The following NAV3 variants were observed in gnomAD, a reference collection of about 807,000 sequenced individuals.
The protein encoded by NAV3 is neuron navigator 3, also known as pore membrane and/or filament interacting like protein 1.
Under a neutral mutation model 244.7 loss-of-function variants are expected in NAV3, and 87 were observed. The ratio of observed to expected loss-of-function variants is 0.36; its 90% CI spans 0.30 to 0.42. The LOEUF is 0.42. Among genes scored for constraint, NAV3 ranks in the 20% least tolerant of loss-of-function variants. The pLI is 1.00. For synonymous variants in NAV3, 1,126 were observed against 1,042.2 expected, an observed-to-expected ratio of 1.08 and a Z score of -1.55; for missense variants, 2,663 against 2,893.3, an observed-to-expected ratio of 0.92 and a Z score of 1.83.
In NAV3 at chr12:77,969,171, C is replaced by T. The variant is rs866011734; in HGVS notation, c.671+469C>T. Among the ~76,000 whole-genome samples, 5 of 139,006 alleles carry T rather than the reference C, an allele frequency of 3.6e-5. No homozygotes were observed. The South Asian group carries it at 6.9e-4, about 19-fold the overall frequency. The allele number at this position is 139,006 out of a possible 152,430, so 91.2% of individuals were successfully genotyped here. On this transcript the variant is annotated intron_variant, in intron 5 of 39. Coordinates refer to ENST00000397909, the MANE Select transcript of NAV3 (RefSeq NM_001024383.2). Reference sequence around the variant, plus strand: ...GTGTGTGTGTGTGTGTGTGTGTGTGCATGAGTGTGTGTGTGTATGTGTGTA... The same window carrying T: ...GTGTGTGTGTGTGTGTGTGTGTGTGTATGAGTGTGTGTGTGTATGTGTGTA...
At chr12:77,582,059 G>A (rs1565723876) in intron 2 of NAV3, among the ~76,000 whole-genome samples, 2 of 152,076 alleles carry the variant, frequency 1.3e-5, no homozygotes, top group African/African-American at 2.4e-5. Flanking sequence ...TAATCTTTAC[G>A]TCCACATGAG....
intron 11 of NAV3, among the ~76,000 whole-genome samples, chr12:78,057,256 C>A (rs1350237689): frequency 6.6e-6 from 1 of 152,166 alleles, no homozygotes; most frequent in East Asian, 1.9e-4. Context: ...AAGAATATAA[C>A]CTAAAATTCT....
At chr12:77,940,725 C>T (rs1889788186) in intron 2 of NAV3, among the ~76,000 whole-genome samples, 1 of 152,170 alleles carries the variant, frequency 6.6e-6, no homozygotes, top group Admixed American at 6.5e-5. Context: ...ATATGTCTCC[C>T]ATGTGTGTAT....
chr12:78,202,294 T>C (rs1276622953), intron 38 of NAV3, among the ~76,000 whole-genome samples: 3 of 152,044 alleles, frequency 2.0e-5, no homozygotes, highest in Non-Finnish European at 2.9e-5. Flanking sequence ...CGATACATTA[T>C]TTGTTCTCTA....
At chr12:77,951,741 A>G (rs1890905583) in intron 3 of NAV3, among the ~76,000 whole-genome samples, 1 of 152,154 alleles carries the variant, frequency 6.6e-6, no homozygotes, top group Admixed American at 6.6e-5. Context: ...ATGCAGCCAT[A>G]AAAAAGGGTG....
chr12:77,880,458 A>G (rs1169175840), intron 1 of NAV3, among the ~76,000 whole-genome samples: 1 of 152,166 alleles, frequency 6.6e-6, no homozygotes, highest in East Asian at 1.9e-4. Flanking sequence ...CAGAGCCTCA[A>G]TGTTGTATTG....
At chr12:77,707,661 A>C (rs546310724) in intron 2 of NAV3, among the ~76,000 whole-genome samples, 21 of 152,174 alleles carry the variant, frequency 1.4e-4, no homozygotes, top group Admixed American at 2.6e-4. Context: ...TGGTTGAACT[A>C]GTTTACAGTC....
At chr12:78,066,968 C>T (rs1386958830) in intron 12 of NAV3, among the ~76,000 whole-genome samples, 1 of 152,088 alleles carries the variant, frequency 6.6e-6, no homozygotes, top group African/African-American at 2.4e-5. Flanking sequence ...ATTACATTGC[C>T]ATGACAAAGG....
intron 1 of NAV3, among the ~76,000 whole-genome samples, chr12:77,864,608 A>G (rs1373419800): frequency 6.6e-6 from 1 of 151,998 alleles, no homozygotes; most frequent in African/African-American, 2.4e-5. Flanking sequence ...TCTCTCAGGA[A>G]TATATTCCAA....
chr12:77,841,550 A>G (rs117264435), intron 1 of NAV3, among the ~76,000 whole-genome samples: 1,919 of 152,310 alleles, frequency 0.013, 19 homozygotes, highest in South Asian at 0.025. Context: ...TTAGGGGTTA[A>G]CAAACTATGA....
At chr12:78,029,042 C>T (rs962056181) in intron 9 of NAV3, among the ~76,000 whole-genome samples, 2 of 152,052 alleles carry the variant, frequency 1.3e-5, no homozygotes, top group Non-Finnish European at 2.9e-5. Flanking sequence ...AATGCAGTGA[C>T]TAAAGACATG....
At chr12:77,862,162 G>A (rs766853382) in intron 1 of NAV3, among the ~76,000 whole-genome samples, 30 of 150,442 alleles carry the variant, frequency 2.0e-4, no homozygotes, top group Admixed American at 5.3e-4. Context: ...TTTTTTTTTG[G>A]TCATGGGTCT....
chr12:77,778,159 TCCC>T (rs1870467652), intron 2 of NAV3, among the ~76,000 whole-genome samples: 3 of 24,970 alleles, frequency 1.2e-4, no homozygotes, highest in African/African-American at 4.8e-4. Flanking sequence ...TCCCCTCCCC[TCCC>T]CTCCCCTCCT....
chr12:77,785,157 G>GGGAACTACA (rs1489143610), intron 2 of NAV3, among the ~76,000 whole-genome samples: 1 of 152,018 alleles, frequency 6.6e-6, no homozygotes. Context: ...CACACAACAG[G>GGGAACTACA]GCAACTACAG....
chr12:77,749,435 A>G (rs1037833302), intron 2 of NAV3, among the ~76,000 whole-genome samples: 11 of 152,228 alleles, frequency 7.2e-5, no homozygotes, highest in Non-Finnish European at 1.6e-4. Flanking sequence ...GATGAAAATG[A>G]GTATTAATAT....
intron 3 of NAV3, among the ~76,000 whole-genome samples, chr12:77,947,903 G>A (rs1490717925): frequency 6.6e-6 from 1 of 151,984 alleles, no homozygotes; most frequent in Non-Finnish European, 1.5e-5. Flanking sequence ...GAGGCATTAA[G>A]AGGCAGTGTG....
intron 2 of NAV3, among the ~76,000 whole-genome samples, chr12:77,765,887 A>G (rs1217952230): frequency 6.6e-6 from 1 of 152,162 alleles, no homozygotes; most frequent in Non-Finnish European, 1.5e-5. Context: ...AAGAAAAAAT[A>G]TATAATAAAA....
intron 33 of NAV3, 145 bp from the exon 34 acceptor site, chr12:78,189,839 A>G (rs1195577292): frequency 1.6e-6 from 1 of 622,552 alleles, no homozygotes; most frequent in African/African-American, 1.8e-5. Context: ...GGCAACGCAT[A>G]TTTGTGGGAT....
At chr12:78,110,218 T>C (rs570693436) in intron 12 of NAV3, among the ~76,000 whole-genome samples, 2 of 152,030 alleles carry the variant, frequency 1.3e-5, no homozygotes, top group East Asian at 1.9e-4. Flanking sequence ...TTAAAATACC[T>C]GGGAATAAAT....
Sources: gnomAD v4.1 joint callset for allele counts (sites outside exome capture counted in the v4.1 genomes callset) on GRCh38, gnomAD v4.1.1 for gene constraint, MANE v1.5 for transcripts, NCBI Gene and HGNC (gene_info 2026-07-23, HGNC 2026-07-21) for gene names.